ANKRD13D: variants seen among roughly 807,000 people sequenced by gnomAD.
ANKRD13D encodes ankyrin repeat domain 13D.
ANKRD13D carries 24 observed loss-of-function variants against 68.8 expected under a neutral mutation model. The ratio of observed to expected loss-of-function variants is 0.35; its 90% CI spans 0.25 to 0.49. The LOEUF is 0.49. ANKRD13D is among the 20% of genes least tolerant of loss of function. The pLI is 0.99. For missense variants in ANKRD13D, 735 were observed against 832.1 expected, an observed-to-expected ratio of 0.88 and a Z score of 1.44; for synonymous variants, 331 against 336.1, an observed-to-expected ratio of 0.98 and a Z score of 0.16.
rs144969259 is a variant in ANKRD13D, at chr11:67,292,088, C to T, written c.639C>T (p.Ala213=). The change falls in exon 6 of 15, where the codon GCC becomes GCT. Residue 213 remains alanine (A), a synonymous_variant. Transcript: ENST00000511455. ...LTLQEPETLL[A]AMRPSEEHVA... ...TGCAGGAGCCCGAAACACTGCTGGC[C>T]GCCATGCGGCCCAGCGAGGAGCATG... The T allele has an allele frequency of 9.9e-5, 160 of 1,612,428 alleles. No individual in the cohort carries two copies. Among genetic ancestry groups the T allele is most frequent in the African/African-American group, 2.7e-4 (20 of 75,058 alleles).
In ANKRD13D at chr11:67,300,625, G is replaced by A. The variant is rs1860941579; in HGVS notation, c.1074-365G>A. The A allele has an allele frequency of 2.0e-5, 9 of 445,490 alleles. No homozygotes were observed. In the South Asian group the frequency reaches 2.3e-4, roughly 11 times the overall value. The allele number at this position is 445,490 out of a possible 1,614,324, so 27.6% of individuals were successfully genotyped here. A position where few individuals can be genotyped will look rare whatever the true frequency, so the allele number is the denominator to read the frequency against. On this transcript the variant is annotated intron_variant, in intron 10 of 14. Coordinates refer to ENST00000511455, the MANE Select transcript of ANKRD13D (RefSeq NM_207354.3). This position sits in a 1 kb window ranked among gnomAD's most constrained non-coding sequence, Gnocchi z 4.3. ...AACCCTGGCAGTCTTGCCCTGGGGT[G>A]TGCTGGACATAAAAGTTTGGCAACA...
chr11:67,291,351 CAAAAAAAAA>C (rs369072835), intron 3 of ANKRD13D, 116 bp from the exon 4 acceptor site: 9 of 500,712 alleles, frequency 1.8e-5, no homozygotes, highest in South Asian at 1.4e-4. Context: ...GAGCAAGTCT[CAAAAAAAAA>C]AAAAAAAAAA....
In ANKRD13D at chr11:67,301,799, A is replaced by T. The variant is rs1478315524; in HGVS notation, c.1580A>T (p.Tyr527Phe). The change falls in exon 14 of 15, where the codon TAT becomes TTT. Residue 527 changes from tyrosine (Y) to phenylalanine (F), a missense_variant. Transcript: ENST00000511455. This position sits in a 1 kb window ranked among gnomAD's most constrained non-coding sequence, Gnocchi z 4.5. The stretch of plus-strand genomic sequence containing the variant: ...CGCCCTCCTCCCCAGGCCACGGTTT[A>T]TGAGGAACAGCTTCAGCTGGAGCGG... ...GARPPPQATV[Y>F]EEQLQLERAL... The T allele has an allele frequency of 1.2e-6, 2 of 1,606,092 alleles. No individual in the cohort carries two copies.
Position 67,301,522 on chromosome 11 carries a change from GTT to G in ANKRD13D, c.1385_1386del (p.Phe462Ter). ...TCCCGTGCGAGGTGGACCCCACCGT[GTT>G]TGAAGTGCCCAACGGGTACAGCGTG... ...PFPCEVDPTV[F>X]EVPNGYSVLG... is the part of the protein sequence containing the mutation. On this transcript the variant is annotated frameshift_variant, in exon 13 of 15. Transcript: ENST00000511455. LOFTEE classifies it high-confidence loss of function. The surrounding 1 kb of genome is among the most constrained non-coding windows in gnomAD (Gnocchi z 4.5). The G allele has an allele frequency of 6.2e-7, 1 of 1,613,116 alleles. No individual in the cohort carries two copies. The highest frequency in any genetic ancestry group is 8.5e-7 in the Non-Finnish European group (1 of 1,179,984).
chr11:67,290,034 G>T, intron 1 of ANKRD13D, 44 bp from the exon 2 acceptor site: 3 of 1,521,038 alleles, frequency 2.0e-6, no homozygotes, highest in South Asian at 2.4e-5. Flanking sequence ...TCCCTGCCTT[G>T]CCCTCTTCTC....
chr11:67,300,948 C>T lies in ANKRD13D; in HGVS notation c.1074-42C>T, dbSNP rs1306485888. 2 of 1,607,408 alleles carry T rather than the reference C, an allele frequency of 1.2e-6. No individual in the cohort carries two copies. The highest frequency in any genetic ancestry group is 1.7e-6 in the Non-Finnish European group (2 of 1,176,848). ...AGAGGGCAGTCCTCAATGGAAGGGC[C>T]ACCAGCCGTGCCTCACCCATGTCCT... is the stretch of plus-strand genomic sequence containing the variant. On this transcript the variant is annotated intron_variant, in intron 10 of 14. Transcript: ENST00000511455. The surrounding 1 kb of genome is among the most constrained non-coding windows in gnomAD (Gnocchi z 4.3).
At chr11:67,289,614 T>A in intron 1 of ANKRD13D, 64 bp downstream of exon 1, 1 of 1,140,170 alleles carries the variant, frequency 8.8e-7, no homozygotes, top group African/African-American at 3.8e-5. Context: ...GTGGCCTCCG[T>A]CCTGGAGCCC....
intron 3 of ANKRD13D, 45 bp from the exon 4 acceptor site, chr11:67,291,431 C>T: frequency 6.2e-7 from 1 of 1,608,958 alleles, no homozygotes; most frequent in Non-Finnish European, 8.5e-7. Context: ...CCTGCTGGAG[C>T]CAGCAGCAGG....
chr11:67,299,965 G>T lies in ANKRD13D; in HGVS notation c.943-28G>T. ...GGAGGGCACCCTCTGTCACCTTGAT[G>T]GCTGAGTCCGCCCTGGGACCCACGC... On this transcript the variant is annotated intron_variant, in intron 9 of 14. Coordinates refer to ENST00000511455, the MANE Select transcript of ANKRD13D (RefSeq NM_207354.3). The surrounding 1 kb of genome is among the most constrained non-coding windows in gnomAD (Gnocchi z 6.2). 6.3e-7 allele frequency: 1 copy of T among 1,598,892 alleles called. No homozygotes were observed.
In ANKRD13D at chr11:67,300,357, G is replaced by A. The variant is rs1860931775; in HGVS notation, c.1073+234G>A. ...GAATGGATGGTGCCACCCATGTATG[G>A]TTTTCTATTGAATTTCATGAGTACC... On this transcript the variant is annotated intron_variant, in intron 10 of 14. Coordinates refer to ENST00000511455, the MANE Select transcript of ANKRD13D (RefSeq NM_207354.3). The surrounding 1 kb of genome is among the most constrained non-coding windows in gnomAD (Gnocchi z 4.3). 1 of 558,772 alleles carries A rather than the reference G, an allele frequency of 1.8e-6. No homozygotes were observed. The highest frequency in any genetic ancestry group is 3.1e-6 in the Non-Finnish European group (1 of 327,092). The allele number at this position is 558,772 out of a possible 1,614,324, so 34.6% of individuals were successfully genotyped here. A position where few individuals can be genotyped will look rare whatever the true frequency, so the allele number is the denominator to read the frequency against.
chr11:67,292,070 G>C lies in ANKRD13D; in HGVS notation c.621G>C (p.Glu207Asp). Residue 207 changes from glutamate to aspartate, a missense_variant, in exon 6 of 15, where the codon GAG becomes GAC. Physicochemically the swap from Glu to Asp is conservative, Grantham distance 45 (BLOSUM62 2). Coordinates refer to ENST00000511455, the MANE Select transcript of ANKRD13D (RefSeq NM_207354.3). ...AGACACTGGGGCTCACTCTGCAGGA[G>C]CCCGAAACACTGCTGGCCGCCATGC... ...HVETLGLTLQ[E>D]PETLLAAMRP... 1 of 1,611,694 alleles carries C rather than the reference G, an allele frequency of 6.2e-7. No homozygotes were observed. Among genetic ancestry groups the C allele is most frequent in the South Asian group, 1.1e-5 (1 of 91,000 alleles).
rs748528423 is a variant in ANKRD13D, at chr11:67,302,167, A to G, written c.1653A>G (p.Gly551=). ...TGTCCACAGAGCCCAGGGGCCCAGG[A>G]TCCCCTCCCAGGACACCCCCAGCCC... is the stretch of plus-strand genomic sequence containing the variant. ...LQLSTEPRGP[G]SPPRTPPAPG... is the part of the protein sequence containing the mutation. Residue 551 remains glycine, a synonymous_variant, in exon 15 of 15, where the codon GGA becomes GGG. Coordinates refer to ENST00000511455, the MANE Select transcript of ANKRD13D (RefSeq NM_207354.3). The G allele has an allele frequency of 3.1e-6, 5 of 1,597,282 alleles. No individual in the cohort carries two copies. Among genetic ancestry groups the G allele is most frequent in the East Asian group, 2.3e-5 (1 of 44,276 alleles).
intron 6 of ANKRD13D, among the ~76,000 whole-genome samples, chr11:67,296,607 TTTTTGTTTTGTTTTGTTTTG>T (rs142136280): frequency 1.3e-5 from 2 of 151,408 alleles, no homozygotes; most frequent in African/African-American, 4.9e-5. Context: ...TAATTTGAAG[TTTTTGTTTTGTTTTGTTTTG>T]TTTTGTTTTG....
chr11:67,298,684 T>C, intron 6 of ANKRD13D: 1 of 208,614 alleles, frequency 4.8e-6, no homozygotes, highest in Non-Finnish European at 9.9e-6. Flanking sequence ...CCAATCTTAC[T>C]GAATCTATCC....
Position 67,290,208 on chromosome 11 carries a change from G to C in ANKRD13D, c.221G>C (p.Trp74Ser). The change falls in exon 2 of 15, where the codon TGG (tryptophan) becomes TCG (serine). Residue 74 changes from tryptophan (W) to serine (S), a missense_variant. Trp to Ser is a radical substitution (Grantham distance 177). Coordinates refer to ENST00000511455, the MANE Select transcript of ANKRD13D (RefSeq NM_207354.3). ...GTGGGCAAAGAGAACCGCCAGGGCT[G>C]GGCAGGTACTGCAGAGGACAAGGGG... ...ANVGKENRQG[W>S]AVLQEAVSTG... The C allele has an allele frequency of 6.5e-7, 1 of 1,539,632 alleles. No individual in the cohort carries two copies. Among genetic ancestry groups the C allele is most frequent in the Non-Finnish European group, 8.7e-7 (1 of 1,146,902 alleles).
chr11:67,291,982 G>T lies in ANKRD13D; in HGVS notation c.542-9G>T, dbSNP rs373465801. The T allele has an allele frequency of 7.0e-6, 11 of 1,570,620 alleles. No homozygotes were observed. The East Asian group carries it at 2.5e-4, about 36-fold the overall frequency. ...TGCGCCCCCTCTGTCCACCCCTACCGGCCGGCAGAGGCAGGAGCCCTGGTG... is the reference window on the plus strand; with the variant it reads ...TGCGCCCCCTCTGTCCACCCCTACCTGCCGGCAGAGGCAGGAGCCCTGGTG... On this transcript the variant is annotated splice_polypyrimidine_tract_variant and intron_variant, in intron 5 of 14. Coordinates refer to ENST00000511455, the MANE Select transcript of ANKRD13D (RefSeq NM_207354.3).
Position 67,290,182 on chromosome 11 carries a change from C to T in ANKRD13D, c.195C>T (p.Asn65=), listed in dbSNP as rs556751575. The change falls in exon 2 of 15, where the codon AAC becomes AAT. Residue 65 remains asparagine, a synonymous_variant. Transcript: ENST00000511455. ...SVRVLLRHNA[N]VGKENRQGWA... The stretch of plus-strand genomic sequence containing the variant: ...GAGTGCTCCTTCGACACAATGCCAA[C>T]GTGGGCAAAGAGAACCGCCAGGGCT... 6 of 1,537,666 alleles carry T rather than the reference C, an allele frequency of 3.9e-6. No homozygotes were observed. The highest frequency in any genetic ancestry group is 2.4e-5 in the East Asian group (1 of 40,916).
Position 67,301,508 on chromosome 11 carries a change from G to A in ANKRD13D, c.1369G>A (p.Val457Met). The A allele has an allele frequency of 1.9e-6, 3 of 1,613,090 alleles. No homozygotes were observed. Among genetic ancestry groups the A allele is most frequent in the Non-Finnish European group, 1.7e-6 (2 of 1,179,886 alleles). ...AASGNPFPCE[V>M]DPTVFEVPNG... ...CCTAGGGAACCCTTTCCCGTGCGAG[G>A]TGGACCCCACCGTGTTTGAAGTGCC... Residue 457 changes from valine (V) to methionine (M), a missense_variant, in exon 13 of 15, where the codon GTG becomes ATG. Coordinates refer to ENST00000511455, the MANE Select transcript of ANKRD13D (RefSeq NM_207354.3). The surrounding 1 kb of genome is among the most constrained non-coding windows in gnomAD (Gnocchi z 4.5).
intron 6 of ANKRD13D, chr11:67,298,507 C>G (rs1366453218): frequency 1.3e-5 from 2 of 157,796 alleles, no homozygotes; most frequent in South Asian, 1.8e-4. Flanking sequence ...TCTTCTGGTT[C>G]TTTGTTGATC....
Sources: gnomAD v4.1 joint callset for allele counts (sites outside exome capture counted in the v4.1 genomes callset) on GRCh38, gnomAD v4.1.1 for gene constraint, Gnocchi (gnomAD v3.1) non-coding constraint, MANE v1.5 for transcripts, NCBI Gene and HGNC (gene_info 2026-07-23, HGNC 2026-07-21) for gene names.